Variants in GREB1L observed in about 807,000 individuals in gnomAD.
GREB1L encodes the protein GREB1-like protein.
Under a neutral mutation model 200.8 loss-of-function variants are expected in GREB1L, and 17 were observed. That is an observed-to-expected ratio of 0.08 (90% CI 0.06 to 0.13). The LOEUF is 0.13. GREB1L is among the 10% of genes least tolerant of loss of function. The pLI is 1.00. For missense variants in GREB1L, 1,657 were observed against 2,367.7 expected (o/e 0.70, Z 6.23); for synonymous variants, 789 against 893.0 (o/e 0.88, Z 2.08).
At chr18:21,424,661 A>T (rs772295976) in intron 7 of GREB1L, among the ~76,000 whole-genome samples, 1 of 152,246 alleles carries the variant, frequency 6.6e-6, no homozygotes, top group Non-Finnish European at 1.5e-5. Context: ...CAATTCATCC[A>T]TTAAAAGTAT....
intron 15 of GREB1L, among the ~76,000 whole-genome samples, chr18:21,465,316 A>T (rs2035223443): frequency 6.6e-6 from 1 of 152,134 alleles, no homozygotes; most frequent in African/African-American, 2.4e-5. Flanking sequence ...GTTAAAACAC[A>T]GCTCTGGGAC....
intron 2 of GREB1L, among the ~76,000 whole-genome samples, chr18:21,374,105 A>C (rs1267030070): frequency 6.6e-6 from 1 of 151,756 alleles, no homozygotes; most frequent in Non-Finnish European, 1.5e-5. Context: ...AGGCTCAAAC[A>C]ATTCTCATGC....
chr18:21,298,621 G>A (rs745489807), intron 1 of GREB1L, among the ~76,000 whole-genome samples: 95 of 152,224 alleles, frequency 6.2e-4, no homozygotes, highest in Non-Finnish European at 9.1e-4. Flanking sequence ...CTGACTGAAT[G>A]TAACCAATTA....
At chr18:21,325,698 CAGCT>C (rs1445807180) in intron 1 of GREB1L, among the ~76,000 whole-genome samples, 1 of 150,964 alleles carries the variant, frequency 6.6e-6, no homozygotes, top group Non-Finnish European at 1.5e-5. Context: ...CCTGTAGTCC[CAGCT>C]ACTCAGAGAG....
At chr18:21,397,440 G>T (rs2041118430) in intron 5 of GREB1L, among the ~76,000 whole-genome samples, 1 of 151,524 alleles carries the variant, frequency 6.6e-6, no homozygotes, top group Non-Finnish European at 1.5e-5. Context: ...CAGGAGAATG[G>T]CGTGAACCCG....
chr18:21,423,812 C>G (rs1376298843), intron 7 of GREB1L, among the ~76,000 whole-genome samples: 1 of 152,178 alleles, frequency 6.6e-6, no homozygotes. Flanking sequence ...GAGCCATGAT[C>G]ATACCACTGC....
chr18:21,500,341 T>C, intron 22 of GREB1L, 35 bp downstream of exon 22: 3 of 964,722 alleles, frequency 3.1e-6, no homozygotes, highest in Non-Finnish European at 4.7e-6. Context: ...TTTCTTAGGC[T>C]GGGGTTGGCG....
At chr18:21,284,189 A>G (rs1288215910) in intron 1 of GREB1L, among the ~76,000 whole-genome samples, 1 of 152,220 alleles carries the variant, frequency 6.6e-6, no homozygotes, top group Non-Finnish European at 1.5e-5. Flanking sequence ...TTGAGCTATA[A>G]TTCACATAAA....
chr18:21,418,633 C>G (rs548318595), intron 7 of GREB1L, among the ~76,000 whole-genome samples: 1 of 152,254 alleles, frequency 6.6e-6, no homozygotes, highest in African/African-American at 2.4e-5. Flanking sequence ...AAGCGATTCT[C>G]CTGCCTCAGC....
chr18:21,315,575 C>A (rs748110660), intron 1 of GREB1L, among the ~76,000 whole-genome samples: 11 of 152,070 alleles, frequency 7.2e-5, no homozygotes, highest in Admixed American at 1.3e-4. Context: ...ATGGTAAAGT[C>A]TATTATGATG....
chr18:21,448,545 T>C (rs907147960), intron 11 of GREB1L, among the ~76,000 whole-genome samples: 1 of 152,146 alleles, frequency 6.6e-6, no homozygotes, highest in African/African-American at 2.4e-5. Context: ...TGTTCTTCCA[T>C]AAGGGGCTTT....
intron 2 of GREB1L, among the ~76,000 whole-genome samples, chr18:21,379,946 CT>C (rs2040235306): frequency 6.6e-6 from 1 of 152,132 alleles, no homozygotes; most frequent in Non-Finnish European, 1.5e-5. Context: ...ATTTCTTCAT[CT>C]TTTAATTGGG....
chr18:21,418,506 TA>T lies in GREB1L; in HGVS notation c.832+14519del, dbSNP rs543081484. On this transcript the variant is annotated intron_variant, in intron 7 of 32. Transcript: ENST00000424526. ...TTGTATTTTTATTTTTATTGTTTTTTAAAAAAATATTTTTGTTTTGTTTTGT... is the reference window on the plus strand; with the variant it reads ...TTGTATTTTTATTTTTATTGTTTTTTAAAAAATATTTTTGTTTTGTTTTGT... Among the ~76,000 whole-genome samples the T allele has an allele frequency of 2.0e-4, 31 of 152,226 alleles. No individual in the cohort carries two copies. In the South Asian group the frequency reaches 6.4e-3, roughly 32 times the overall value.
intron 7 of GREB1L, among the ~76,000 whole-genome samples, chr18:21,432,367 G>A (rs201143127): frequency 4.6e-5 from 7 of 151,910 alleles, no homozygotes; most frequent in Admixed American, 4.6e-4. Flanking sequence ...TCTGCATTTT[G>A]ATTAATAATT....
chr18:21,352,539 T>C (rs922651494), intron 1 of GREB1L, among the ~76,000 whole-genome samples: 48 of 152,010 alleles, frequency 3.2e-4, no homozygotes, highest in African/African-American at 1.1e-3. Flanking sequence ...GTTCAAGCAA[T>C]TCCCATGCCT....
At chr18:21,476,555 T>TTTG (rs1191328017) in intron 16 of GREB1L, among the ~76,000 whole-genome samples, 5 of 151,982 alleles carry the variant, frequency 3.3e-5, no homozygotes, top group Non-Finnish European at 2.9e-5. Flanking sequence ...AATTTAATTT[T>TTTG]TTGTTGTTGT....
chr18:21,500,023 C>T lies in GREB1L; in HGVS notation c.3686C>T (p.Pro1229Leu), dbSNP rs1297917479. The T allele has an allele frequency of 1.3e-6, 2 of 1,551,552 alleles. No homozygotes were observed. The highest frequency in any genetic ancestry group is 1.7e-6 in the Non-Finnish European group (2 of 1,146,996). Residue 1229 changes from proline (P) to leucine (L), a missense_variant, in exon 22 of 33, where the codon CCA (proline) becomes CTA (leucine). Transcript: ENST00000424526. ...RGCRGPQAAL[P>L]PVVILSKAAY... ...TGCCGGGGCCCACAGGCAGCCCTGC[C>T]ACCAGTGGTGATCCTATCCAAAGCG...
chr18:21,415,147 A>C (rs1048733185), intron 7 of GREB1L, among the ~76,000 whole-genome samples: 1 of 152,318 alleles, frequency 6.6e-6, no homozygotes, highest in Non-Finnish European at 1.5e-5. Flanking sequence ...AGATATCCAA[A>C]GAGTCCCTCA....
chr18:21,454,276 G>A (rs1157006266), intron 14 of GREB1L, 90 bp from the exon 15 acceptor site: 42 of 785,520 alleles, frequency 5.3e-5, no homozygotes, highest in Non-Finnish European at 7.7e-5. Context: ...TTACATTACC[G>A]TCTGTGTGGT....
Sources: gnomAD v4.1 joint callset for allele counts (sites outside exome capture counted in the v4.1 genomes callset) on GRCh38, gnomAD v4.1.1 for gene constraint, MANE v1.5 for transcripts, NCBI Gene and HGNC (gene_info 2026-07-23, HGNC 2026-07-21) for gene names.